Variants in CMSS1 observed in about 807,000 individuals in gnomAD.
CMSS1 encodes the protein protein CMSS1.
In CMSS1, 33 loss-of-function variants were observed where a neutral mutation model predicts 43.5. The ratio of observed to expected loss-of-function variants is 0.76; its 90% CI spans 0.57 to 1.01. CMSS1 has a LOEUF of 1.01. Among genes scored for constraint, CMSS1 ranks in the 50% least tolerant of loss-of-function variants. The pLI, the probability that CMSS1 is intolerant of heterozygous loss-of-function variation, is 0.00. For synonymous variants in CMSS1, 115 were observed against 117.2 expected (o/e 0.98, Z 0.12); for missense variants, 313 against 326.4 (o/e 0.96, Z 0.32).
chr3:99,843,202 T>C lies in CMSS1; in HGVS notation c.64+25159T>C, dbSNP rs901522054. Among the ~76,000 whole-genome samples the C allele has an allele frequency of 2.6e-5, 4 of 152,162 alleles. 1 individual carries two copies. Among genetic ancestry groups the C allele is most frequent in the Non-Finnish European group, 5.9e-5 (4 of 68,026 alleles). On this transcript the variant is annotated intron_variant, in intron 1 of 9. Transcript: ENST00000421999. The stretch of plus-strand genomic sequence containing the variant: ...TTATTTAATGTGTGTTCTGGACCCT[T>C]CCCAAGAAATGCTACAGATTTAAGT...
At chr3:100,022,865 T>G (rs1297732231) in intron 1 of CMSS1, among the ~76,000 whole-genome samples, 1 of 152,190 alleles carries the variant, frequency 6.6e-6, no homozygotes, top group African/African-American at 2.4e-5. Context: ...ATTCAAAGTT[T>G]TGGACTGAGG....
chr3:100,058,602 G>A (rs1194859000), intron 1 of CMSS1, among the ~76,000 whole-genome samples: 1 of 152,144 alleles, frequency 6.6e-6, no homozygotes, highest in Non-Finnish European at 1.5e-5. Context: ...TGGACAAAGA[G>A]AAAAGTTTCT....
At chr3:100,162,162 A>G in intron 3 of CMSS1, 141 bp from the exon 4 acceptor site, 2 of 595,386 alleles carry the variant, frequency 3.4e-6, no homozygotes, top group East Asian at 3.1e-5. Context: ...AATTTTCTCA[A>G]ATGTATTTAT....
intron 1 of CMSS1, among the ~76,000 whole-genome samples, chr3:99,876,801 C>T (rs1705549082): frequency 1.3e-5 from 2 of 152,112 alleles, no homozygotes; most frequent in Non-Finnish European, 2.9e-5. Context: ...AAAGAACTTC[C>T]TCTTTCCCCA....
intron 1 of CMSS1, among the ~76,000 whole-genome samples, chr3:100,082,185 G>C (rs116524035): frequency 0.017 from 2,604 of 152,160 alleles, 83 homozygotes; most frequent in African/African-American, 0.058. Context: ...AACAAACCAA[G>C]AACATTATTG....
At chr3:100,149,378 CCT>C (rs1036521002) in intron 2 of CMSS1, among the ~76,000 whole-genome samples, 4 of 152,138 alleles carry the variant, frequency 2.6e-5, no homozygotes, top group African/African-American at 9.7e-5. Context: ...TTTTACCTGT[CCT>C]CTCTCTTTCA....
In CMSS1 at chr3:99,929,513, AGTGTGTGTGTGT is replaced by A. The variant is rs10629410; in HGVS notation, c.64+111487_64+111498del. 4.6e-3 allele frequency among the ~76,000 whole-genome samples: 684 copies of A among 148,276 alleles called. 6 individuals carry two copies. The highest frequency in any genetic ancestry group is 0.017 in the African/African-American group (669 of 40,348). ...GCCTGGGTACCCTGCAAGTTCCCAGAGTGTGTGTGTGTGTGTGTGTGTGTGTGTAAGCACATG... is the reference window on the plus strand; with the variant it reads ...GCCTGGGTACCCTGCAAGTTCCCAGAGTGTGTGTGTGTGTGTAAGCACATG... On this transcript the variant is annotated intron_variant, in intron 1 of 9. Transcript: ENST00000421999.
intron 3 of CMSS1, among the ~76,000 whole-genome samples, chr3:100,161,578 G>A (rs1040890003): frequency 3.3e-5 from 5 of 152,082 alleles, no homozygotes; most frequent in African/African-American, 9.7e-5. Context: ...TGGGGTCAGG[G>A]GTGGGGAATG....
intron 1 of CMSS1, among the ~76,000 whole-genome samples, chr3:100,037,268 T>TA (rs1559734866): frequency 6.6e-6 from 1 of 152,186 alleles, no homozygotes; most frequent in African/African-American, 2.4e-5. Context: ...GTCTGCAACT[T>TA]ACTCAGATGG....
chr3:100,129,388 G>C (rs142600388), intron 1 of CMSS1, among the ~76,000 whole-genome samples: 125 of 152,234 alleles, frequency 8.2e-4, no homozygotes, highest in African/African-American at 2.8e-3. Context: ...CATTACCTTT[G>C]CTCTTTTAAA....
chr3:100,147,105 A>G (rs775814820), intron 2 of CMSS1, 44 bp downstream of exon 2: 3 of 1,608,896 alleles, frequency 1.9e-6, no homozygotes, highest in Non-Finnish European at 1.7e-6. Context: ...AAATTCTGAA[A>G]TCAGCCTTTT....
chr3:100,062,093 CTTTTTTTTTTT>C (rs71907944), intron 1 of CMSS1, among the ~76,000 whole-genome samples: 36 of 53,170 alleles, frequency 6.8e-4, no homozygotes, highest in South Asian at 6.6e-3. Context: ...CTGTCTTCTT[CTTTTTTTTTTT>C]TTTTTTTTTT....
chr3:99,824,250 A>G (rs1942495278), intron 1 of CMSS1, among the ~76,000 whole-genome samples: 1 of 152,160 alleles, frequency 6.6e-6, no homozygotes. Context: ...TTAAGTACTC[A>G]GTTCAAACGT....
At chr3:99,822,854 G>A (rs1226878355) in intron 1 of CMSS1, among the ~76,000 whole-genome samples, 1 of 152,174 alleles carries the variant, frequency 6.6e-6, no homozygotes, top group African/African-American at 2.4e-5. Context: ...ATCTTCCCAA[G>A]TACACCAGCG....
At chr3:100,083,646 T>G (rs2065964202) in intron 1 of CMSS1, among the ~76,000 whole-genome samples, 1 of 152,232 alleles carries the variant, frequency 6.6e-6, no homozygotes, top group Non-Finnish European at 1.5e-5. Flanking sequence ...AGGCCTACAT[T>G]TAGTGTCATA....
chr3:100,154,749 G>C (rs1287757966), intron 2 of CMSS1, among the ~76,000 whole-genome samples: 1 of 152,124 alleles, frequency 6.6e-6, no homozygotes, highest in Non-Finnish European at 1.5e-5. Flanking sequence ...GAGGCGGGCA[G>C]ATCACTTGAG....
chr3:100,166,790 T>G (rs2067069781), intron 5 of CMSS1, among the ~76,000 whole-genome samples: 1 of 152,028 alleles, frequency 6.6e-6, no homozygotes, highest in Non-Finnish European at 1.5e-5. Context: ...CAGGCTGGAG[T>G]GCAGTGGGTC....
chr3:99,881,933 C>T (rs1300803292), intron 1 of CMSS1, among the ~76,000 whole-genome samples: 1 of 152,132 alleles, frequency 6.6e-6, no homozygotes, highest in Non-Finnish European at 1.5e-5. Flanking sequence ...AGAGAAAGAC[C>T]TGTGGATTCA....
At chr3:100,081,181 C>G (rs1397127605) in intron 1 of CMSS1, among the ~76,000 whole-genome samples, 1 of 152,180 alleles carries the variant, frequency 6.6e-6, no homozygotes, top group Non-Finnish European at 1.5e-5. Flanking sequence ...AATCCTCTCT[C>G]AAGATGGAAC....
Sources: allele counts gnomAD v4.1 joint callset (sites outside exome capture counted in the v4.1 genomes callset), GRCh38; gene constraint gnomAD v4.1.1; transcripts MANE v1.5; gene names NCBI Gene and HGNC (gene_info 2026-07-23, HGNC 2026-07-21).